CEACAM4: variants seen among roughly 807,000 people sequenced by gnomAD.
The protein encoded by CEACAM4 is CEA cell adhesion molecule 4.
In CEACAM4, 30 loss-of-function variants were observed where a neutral mutation model predicts 28.7. The observed-to-expected ratio is 1.05, with a 90% CI of 0.78 to 1.42. The LOEUF is 1.42. Among genes scored for constraint, CEACAM4 ranks in the 40% most tolerant of loss-of-function variants. CEACAM4 has a pLI of 0.00. For missense variants in CEACAM4, 330 were observed against 308.2 expected (o/e 1.07, Z -0.53); for synonymous variants, 143 against 126.5 (o/e 1.13, Z -0.87).
chr19:41,624,711 C>T (rs782151022), intron 2 of CEACAM4, among the ~76,000 whole-genome samples: 20 of 152,276 alleles, frequency 1.3e-4, no homozygotes, highest in East Asian at 9.6e-4. Context: ...CCACCGTGGC[C>T]GGTGTCTGTA....
rs74761781 is a variant in CEACAM4 at position 41,624,770 on chromosome 19, G to A, written c.424+831C>T. The stretch of plus-strand genomic sequence containing the variant: ...TCCATACAATATGTAAATGGAAAAT[G>A]GTCTGAGGCTTGCCACTTTGTCTGT... On this transcript the variant is annotated intron_variant, in intron 2 of 6. Coordinates refer to ENST00000221954, the MANE Select transcript of CEACAM4 (RefSeq NM_001817.4). 2.0e-3 allele frequency among the ~76,000 whole-genome samples: 307 copies of A among 152,294 alleles called. 1 individual carries two copies. Among genetic ancestry groups the A allele is most frequent in the African/African-American group, 7.2e-3 (298 of 41,552 alleles).
chr19:41,616,541 A>G (rs1555798879), downstream of CEACAM4, among the ~76,000 whole-genome samples: 40 of 136,398 alleles, frequency 2.9e-4, no homozygotes, highest in African/African-American at 1.0e-3. Context: ...AGATAGATAG[A>G]TAGATATTCA....
downstream of CEACAM4, among the ~76,000 whole-genome samples, chr19:41,614,660 T>C (rs1438913894): frequency 6.6e-6 from 1 of 152,174 alleles, no homozygotes; most frequent in East Asian, 1.9e-4. Context: ...AGCCCTGAGA[T>C]ATCCTAAGCA....
downstream of CEACAM4, among the ~76,000 whole-genome samples, chr19:41,616,530 T>C (rs1397054261): frequency 6.7e-6 from 1 of 148,276 alleles, no homozygotes; most frequent in Non-Finnish European, 1.5e-5. Flanking sequence ...GATAGATAGA[T>C]AGATAGATAG....
At chr19:41,618,072 G>A (rs1407740618), downstream of CEACAM4, among the ~76,000 whole-genome samples, 2 of 121,354 alleles carry the variant, frequency 1.6e-5, no homozygotes, top group Non-Finnish European at 3.9e-5. Flanking sequence ...GCTCACTTGT[G>A]GGAAGGTGGC....
chr19:41,621,826 A>T, intron 2 of CEACAM4, 58 bp from the exon 3 acceptor site: 2 of 1,032,220 alleles, frequency 1.9e-6, no homozygotes, highest in Non-Finnish European at 3.0e-6. Flanking sequence ...GGGAAACCAT[A>T]AGAGGCATTG....
intron 4 of CEACAM4, 97 bp downstream of exon 4, chr19:41,620,478 A>G: frequency 9.2e-7 from 1 of 1,092,730 alleles, no homozygotes; most frequent in Admixed American, 2.7e-5. Context: ...TTGCAGCCCC[A>G]AAGAAAGGGT....
downstream of CEACAM4, among the ~76,000 whole-genome samples, chr19:41,616,902 C>A (rs991467090): frequency 4.6e-5 from 7 of 152,178 alleles, no homozygotes; most frequent in African/African-American, 7.2e-5. Flanking sequence ...TGTGAGCCCC[C>A]CAAGAGACCA....
rs782774123 is a variant in CEACAM4, at chr19:41,625,608, G to A, written c.417C>T (p.His139=). ...TATGGGGGAATCACTCACGGTGTACGTGGAGCTGGCCAGTTGCTTGGTCAG... is the reference window on the plus strand; with the variant it reads ...TATGGGGGAATCACTCACGGTGTACATGGAGCTGGCCAGTTGCTTGGTCAG... ...YDSDQATGQL[H]VHQNNVPGLP... is the part of the protein sequence containing the mutation. Residue 139 remains histidine (H), a synonymous_variant, in exon 2 of 7, where the codon CAC becomes CAT. Transcript: ENST00000221954. 73 of 1,572,880 alleles carry A rather than the reference G, an allele frequency of 4.6e-5. No homozygotes were observed. The highest frequency in any genetic ancestry group is 5.6e-5 in the Non-Finnish European group (65 of 1,157,942).
At chr19:41,626,798 A>T (rs1456914894) in intron 1 of CEACAM4, 102 bp downstream of exon 1, 1 of 968,080 alleles carries the variant, frequency 1.0e-6, no homozygotes, top group African/African-American at 1.7e-5. Flanking sequence ...TCAGAGCCCC[A>T]GGAGACCCCA....
In CEACAM4 at chr19:41,619,385, T is replaced by C; in HGVS notation, c.680A>G (p.Tyr227Cys). The C allele has an allele frequency of 7.4e-6, 12 of 1,613,862 alleles. No homozygotes were observed. Among genetic ancestry groups the C allele is most frequent in the Non-Finnish European group, 1.0e-5 (12 of 1,179,830 alleles). ...CTGGCAGTAAATGTTTGCATCAGAG[T>C]ATAGCAATTCCTGTAAAAACAGAGA... ...TATPIYEELLYSDANIYCQID... is the reference protein window; with the variant it reads ...TATPIYEELLCSDANIYCQID... The change falls in exon 7 of 7, where the codon TAC (tyrosine) becomes TGC (cysteine). Residue 227 changes from tyrosine to cysteine, a missense_variant. Transcript: ENST00000221954.
At chr19:41,624,028 A>G (rs1215802223) in intron 2 of CEACAM4, among the ~76,000 whole-genome samples, 4 of 152,078 alleles carry the variant, frequency 2.6e-5, no homozygotes, top group Admixed American at 6.5e-5. Context: ...TGAATGAGAC[A>G]TGGGTCTTAG....
At chr19:41,613,676 GAGATCCAGGTA>G in the CEACAM4 span, among the ~76,000 whole-genome samples, 1 of 152,126 alleles carries the variant, frequency 6.6e-6, no homozygotes, top group Admixed American at 6.5e-5. Context: ...AAGCAGACAT[GAGATCCAGGTA>G]ATTAGAGGTG....
In CEACAM4 at chr19:41,619,121, C is replaced by T. The variant is rs1422907431; in HGVS notation, c.*209G>A. ...CCCCGCTTCCTGTGGTGATGAGAGG[C>T]CTTTGTCCCGGCCCACCCAGAGCCC... On this transcript the variant is annotated 3_prime_UTR_variant, in exon 7 of 7. Transcript: ENST00000221954. 2 of 574,958 alleles carry T rather than the reference C, an allele frequency of 3.5e-6. No homozygotes were observed. The highest frequency in any genetic ancestry group is 6.2e-6 in the Non-Finnish European group (2 of 324,600). 35.6% of individuals were successfully genotyped at this position (574,958 alleles called of 1,614,324 possible).
chr19:41,619,634 G>T lies in CEACAM4; in HGVS notation c.669+36C>A, dbSNP rs2071130755. The T allele has an allele frequency of 3.2e-6, 5 of 1,579,896 alleles. No individual in the cohort carries two copies. The East Asian group carries it at 9.2e-5, about 29-fold the overall frequency. On this transcript the variant is annotated intron_variant, in intron 6 of 6. Coordinates refer to ENST00000221954, the MANE Select transcript of CEACAM4 (RefSeq NM_001817.4). ...GGGGGCAGATCCTGGGTCCCCTGGA[G>T]CCTGCGGGACCAGAACATCCATGGC...
At position 41,625,888 on chromosome 19, in the gene CEACAM4, G is replaced by A. The variant is rs1364276530; in HGVS notation, c.137C>T (p.Ala46Val). 2 of 1,613,806 alleles carry A rather than the reference G, an allele frequency of 1.2e-6. No individual in the cohort carries two copies. Among genetic ancestry groups the A allele is most frequent in the Admixed American group, 3.3e-5 (2 of 59,998 alleles). Residue 46 changes from alanine to valine, a missense_variant, in exon 2 of 7, where the codon GCA (alanine) becomes GTA (valine). Coordinates refer to ENST00000221954, the MANE Select transcript of CEACAM4 (RefSeq NM_001817.4). ...FTIEALPSSAAEGKDVLLLAC... is the reference protein window; with the variant it reads ...FTIEALPSSAVEGKDVLLLAC... ...CAGTAGAAGAACATCCTTTCCCTCT[G>A]CAGCACTGGACGGCAGGGCTTCAAT...
chr19:41,622,380 C>T (rs1022132076), intron 2 of CEACAM4, among the ~76,000 whole-genome samples: 2 of 152,156 alleles, frequency 1.3e-5, no homozygotes, highest in Admixed American at 1.3e-4. Context: ...GCCCAGTCTT[C>T]CTCTTGTTTC....
At chr19:41,624,537 A>C (rs2071514064) in intron 2 of CEACAM4, among the ~76,000 whole-genome samples, 1 of 152,220 alleles carries the variant, frequency 6.6e-6, no homozygotes, top group Admixed American at 6.5e-5. Flanking sequence ...ATAACTCTCC[A>C]GACCAGAATC....
At chr19:41,616,539 A>T (rs1029139786), downstream of CEACAM4, among the ~76,000 whole-genome samples, 3 of 151,216 alleles carry the variant, frequency 2.0e-5, no homozygotes, top group African/African-American at 7.3e-5. Flanking sequence ...ATAGATAGAT[A>T]GATAGATATT....
Sources: allele counts gnomAD v4.1 joint callset (sites outside exome capture counted in the v4.1 genomes callset), GRCh38; gene constraint gnomAD v4.1.1; transcripts MANE v1.5; gene names NCBI Gene and HGNC (gene_info 2026-07-23, HGNC 2026-07-21).